Variants in DOP1B observed in about 807,000 individuals in gnomAD.
DOP1B encodes the protein protein DOP1B.
Under a neutral mutation model 233.5 loss-of-function variants are expected in DOP1B, and 174 were observed. That is an observed-to-expected ratio of 0.75 (90% CI 0.66 to 0.85). The LOEUF is 0.85. DOP1B is among the 40% of genes least tolerant of loss of function. DOP1B has a pLI of 0.00. For missense variants in DOP1B, 2,652 were observed against 2,846.6 expected, an observed-to-expected ratio of 0.93 and a Z score of 1.56; for synonymous variants, 1,190 against 1,185.6, an observed-to-expected ratio of 1.00 and a Z score of -0.08.
chr21:36,281,714 G>A, intron 32 of DOP1B, 103 bp downstream of exon 32: 1 of 1,113,562 alleles, frequency 9.0e-7, no homozygotes. Context: ...TCTGGAGGCT[G>A]AGAAGTCCTA....
At chr21:36,239,677 G>T in intron 17 of DOP1B, 88 bp from the exon 18 acceptor site, 1 of 1,402,916 alleles carries the variant, frequency 7.1e-7, no homozygotes, top group Non-Finnish European at 9.5e-7. Context: ...TACCTGTGTT[G>T]GGTGACGCCC....
intron 4 of DOP1B, among the ~76,000 whole-genome samples, chr21:36,203,937 A>G (rs1157559636): frequency 9.9e-5 from 15 of 152,066 alleles, no homozygotes; most frequent in Admixed American, 9.8e-4. Flanking sequence ...GTACTAAGAA[A>G]ACAAGATTAG....
chr21:36,249,894 T>G (rs1462265339), intron 21 of DOP1B, among the ~76,000 whole-genome samples: 4 of 152,322 alleles, frequency 2.6e-5, no homozygotes, highest in Admixed American at 2.0e-4. Context: ...AATTCTGTAT[T>G]TCAAGCTCCT....
intron 2 of DOP1B, among the ~76,000 whole-genome samples, chr21:36,183,541 T>G (rs1426405272): frequency 6.6e-6 from 1 of 152,224 alleles, no homozygotes; most frequent in Non-Finnish European, 1.5e-5. Flanking sequence ...TTGTGCATCC[T>G]TAAAAGATGC....
rs966548006 is a variant in DOP1B, at chr21:36,237,309, G to A, written c.2670G>A (p.Glu890=). 6 of 1,614,080 alleles carry A rather than the reference G, an allele frequency of 3.7e-6. No homozygotes were observed. The highest frequency in any genetic ancestry group is 3.3e-5 in the Admixed American group (2 of 59,996). Residue 890 remains glutamate (E), a synonymous_variant, in exon 16 of 37, where the codon GAG becomes GAA. Transcript: ENST00000691173. ...ATCAGCTGAACAAAGAGACCCGGGA[G>A]CATCACGTCACCTGCGTAGAATTGT... ...LWNQLNKETR[E]HHVTCVELFY...
intron 32 of DOP1B, among the ~76,000 whole-genome samples, chr21:36,286,185 G>T (rs1322203688): frequency 6.6e-6 from 1 of 152,118 alleles, no homozygotes; most frequent in African/African-American, 2.4e-5. Context: ...GTCTTTGGGG[G>T]CTGGGAAGAT....
chr21:36,173,376 T>C (rs762776726), intron 2 of DOP1B, among the ~76,000 whole-genome samples: 40 of 152,064 alleles, frequency 2.6e-4, no homozygotes, highest in Non-Finnish European at 4.9e-4. Context: ...ACTTGCTCAA[T>C]GTTTCAGCAT....
In DOP1B at chr21:36,293,412, C is replaced by A; in HGVS notation, c.6738C>A (p.Phe2246Leu). 1 of 1,614,172 alleles carries A rather than the reference C, an allele frequency of 6.2e-7. No homozygotes were observed. Among genetic ancestry groups the A allele is most frequent in the Non-Finnish European group, 8.5e-7 (1 of 1,180,034 alleles). Residue 2246 changes from phenylalanine to leucine, a missense_variant, in exon 37 of 37, where the codon TTC becomes TTA. By Grantham distance (22) the Phe-to-Leu change is conservative. This residue lies in a region of DOP1B where 2,617 missense variants were observed against 2,794.3 expected (regional missense o/e 0.94). Coordinates refer to ENST00000691173, the MANE Select transcript of DOP1B (RefSeq NM_001320714.2). ...CCAGCATCAGGCAGTTGATGCCATT[C>A]TTCATGACTCTAAATGGTGCATTTA... The part of the protein sequence containing the change: ...SVSSIRQLMP[F>L]FMTLNGAFKT...
chr21:36,178,633 A>G (rs377754521), intron 2 of DOP1B, among the ~76,000 whole-genome samples: 2 of 152,176 alleles, frequency 1.3e-5, no homozygotes, highest in East Asian at 1.9e-4. Flanking sequence ...GTATTTTGTT[A>G]TGGCAGCCTG....
Position 36,230,532 on chromosome 21 carries a change from C to T in DOP1B, c.1748C>T (p.Pro583Leu), listed in dbSNP as rs574642618. Residue 583 changes from proline (P) to leucine (L), a missense_variant, in exon 14 of 37, where the codon CCT (proline) becomes CTT (leucine). By Grantham distance (98) the Pro-to-Leu change is moderately conservative. This residue lies in a region of DOP1B where 2,617 missense variants were observed against 2,794.3 expected (regional missense o/e 0.94). Transcript: ENST00000691173. ...GGTGACGAAGATGCTTCGTTTCCCC[C>T]TCTGAAGTCTGAGGACAGTGGGATC... ...IPGDEDASFP[P>L]LKSEDSGIGL... 5.5e-5 allele frequency: 88 copies of T among 1,614,088 alleles called. 1 individual carries two copies. Among genetic ancestry groups the T allele is most frequent in the Non-Finnish European group, 7.2e-5 (85 of 1,180,040 alleles).
intron 15 of DOP1B, among the ~76,000 whole-genome samples, chr21:36,236,568 G>C (rs1273003287): frequency 1.3e-5 from 2 of 152,100 alleles, no homozygotes; most frequent in African/African-American, 4.8e-5. Context: ...CCCAGTGCCT[G>C]CTCGGCACCT....
chr21:36,219,026 G>A (rs919543450), intron 9 of DOP1B, among the ~76,000 whole-genome samples: 2 of 152,114 alleles, frequency 1.3e-5, no homozygotes, highest in African/African-American at 4.8e-5. Flanking sequence ...ATCTGCTTTG[G>A]GCAAGTTACT....
chr21:36,270,342 CAGGAGTTTGAGACTA>C (rs1430521524), intron 27 of DOP1B, among the ~76,000 whole-genome samples, 185 bp downstream of exon 27: 53 of 150,456 alleles, frequency 3.5e-4, no homozygotes, highest in African/African-American at 1.3e-3. Context: ...AAAGCAAGGT[CAGGAGTTTGAGACTA>C]GCCTGGCCAA....
intron 29 of DOP1B, 48 bp downstream of exon 29, chr21:36,278,132 GT>G: frequency 6.2e-7 from 1 of 1,613,280 alleles, no homozygotes; most frequent in Non-Finnish European, 8.5e-7. Context: ...AGAAAAATAT[GT>G]TTTCACAAAT....
intron 4 of DOP1B, among the ~76,000 whole-genome samples, chr21:36,208,228 T>G (rs1436592207): frequency 6.6e-6 from 1 of 152,226 alleles, no homozygotes; most frequent in African/African-American, 2.4e-5. Context: ...CAGATGTCAC[T>G]TGGCACATTT....
rs1403340014 is a variant in DOP1B, at chr21:36,164,754, G to A, written c.21G>A (p.Glu7=). The part of the protein sequence containing the change: MDPEEQ[E]LLNDYRYRSY... ...GTAAGATGGATCCAGAAGAGCAGGA[G>A]CTCTTAAATGATTACAGATACAGAA... is the stretch of plus-strand genomic sequence containing the variant. The change falls in exon 2 of 37, where the codon GAG becomes GAA. Residue 7 remains glutamate (E), a synonymous_variant. Coordinates refer to ENST00000691173, the MANE Select transcript of DOP1B (RefSeq NM_001320714.2). 1 of 1,604,094 alleles carries A rather than the reference G, an allele frequency of 6.2e-7. No homozygotes were observed.
intron 2 of DOP1B, among the ~76,000 whole-genome samples, chr21:36,198,807 G>A (rs919898979): frequency 5.3e-5 from 8 of 152,288 alleles, no homozygotes; most frequent in South Asian, 4.1e-4. Context: ...AGAAGCACAC[G>A]GCCCTCACCC....
At chr21:36,223,153 A>C (rs1191077354) in intron 10 of DOP1B, 78 bp from the exon 11 acceptor site, 1 of 1,456,804 alleles carries the variant, frequency 6.9e-7, no homozygotes, top group African/African-American at 1.5e-5. Flanking sequence ...TGGTGAAATC[A>C]ATTACAGTTT....
chr21:36,233,191 AGGGCACT>A (rs2066788292), intron 15 of DOP1B, 116 bp downstream of exon 15: 7 of 1,329,872 alleles, frequency 5.3e-6, no homozygotes, highest in Non-Finnish European at 7.1e-6. Context: ...GATATTCTAT[AGGGCACT>A]GGGCAGAGGC....
Sources: gnomAD v4.1 joint callset for allele counts (sites outside exome capture counted in the v4.1 genomes callset) on GRCh38, gnomAD v4.1.1 for gene constraint, gnomAD v4.1.1 regional missense constraint, MANE v1.5 for transcripts, NCBI Gene and HGNC (gene_info 2026-07-23, HGNC 2026-07-21) for gene names.